Variants in COBL observed in about 807,000 individuals in gnomAD.
The protein encoded by COBL is protein cordon-bleu.
COBL carries 51 observed loss-of-function variants against 98.8 expected under a neutral mutation model. The ratio of observed to expected loss-of-function variants is 0.52; its 90% CI spans 0.41 to 0.65. The LOEUF (loss-of-function observed/expected upper bound fraction) is 0.65. Among genes scored for constraint, COBL ranks in the 30% least tolerant of loss-of-function variants. The probability of loss-of-function intolerance (pLI) is 0.00; values close to 1 mark genes in which losing one functional copy is unlikely to be tolerated. For synonymous variants in COBL, 634 were observed against 651.7 expected (o/e 0.97, Z 0.41); for missense variants, 1,617 against 1,617.5 (o/e 1.00, Z 0.01).
At chr7:51,281,616 G>A (rs1799822763) in intron 1 of COBL, among the ~76,000 whole-genome samples, 1 of 150,022 alleles carries the variant, frequency 6.7e-6, no homozygotes, top group East Asian at 2.0e-4. Context: ...TGGCTAGAAT[G>A]AAGTCGAAAC....
chr7:51,086,629 GGAGA>G (rs3047140), intron 6 of COBL, among the ~76,000 whole-genome samples: 9 of 149,774 alleles, frequency 6.0e-5, no homozygotes, highest in Middle Eastern at 3.4e-3. Context: ...ACAATGAGAG[GGAGA>G]GAGAGAGAGA....
intron 1 of COBL, among the ~76,000 whole-genome samples, chr7:51,282,065 G>A (rs143671770): frequency 5.3e-5 from 8 of 151,838 alleles, no homozygotes; most frequent in African/African-American, 1.9e-4. Context: ...AATCCCAGTA[G>A]ATACATTAAA....
At chr7:51,027,630 T>C in intron 10 of COBL, 82 bp downstream of exon 10, 1 of 1,189,252 alleles carries the variant, frequency 8.4e-7, no homozygotes, top group Non-Finnish European at 1.2e-6. Flanking sequence ...CTCTCTCTCC[T>C]CCGCTTTATT....
intron 5 of COBL, among the ~76,000 whole-genome samples, chr7:51,175,837 T>C (rs1372851190): frequency 6.6e-6 from 1 of 152,162 alleles, no homozygotes; most frequent in Non-Finnish European, 1.5e-5. Context: ...TAGGCTCCAT[T>C]ATAAGACTTG....
In COBL at chr7:51,197,589, A is replaced by G. The variant is rs950142891; in HGVS notation, c.246-4000T>C. 2.0e-5 allele frequency among the ~76,000 whole-genome samples: 3 copies of G among 151,920 alleles called. No homozygotes were observed. In the East Asian group the frequency reaches 5.8e-4, roughly 29 times the overall value. ...ATATCTTTGTTAATTTTTTGTCTTT[A>G]TGGTCTAATATTGTCAGTGGGGTGT... is the stretch of plus-strand genomic sequence containing the variant. On this transcript the variant is annotated intron_variant, in intron 2 of 12. Transcript: ENST00000265136.
chr7:51,140,910 C>T (rs1799679907), intron 5 of COBL, among the ~76,000 whole-genome samples: 1 of 152,180 alleles, frequency 6.6e-6, no homozygotes, highest in South Asian at 2.1e-4. Context: ...CGAGTCAGCA[C>T]AGACTGCCAT....
chr7:51,158,787 G>A (rs1250701997), intron 5 of COBL, among the ~76,000 whole-genome samples: 2 of 152,170 alleles, frequency 1.3e-5, no homozygotes, highest in Non-Finnish European at 2.9e-5. Context: ...GGAGATGAGC[G>A]CGATGCTGGG....
intron 6 of COBL, among the ~76,000 whole-genome samples, chr7:51,086,408 T>A (rs549174963): frequency 1.4e-5 from 2 of 147,350 alleles, no homozygotes; most frequent in Admixed American, 1.4e-4. Flanking sequence ...GACTATCATA[T>A]GACAAGAGCT....
At chr7:51,060,551 G>A (rs932957713) in intron 7 of COBL, among the ~76,000 whole-genome samples, 2 of 152,028 alleles carry the variant, frequency 1.3e-5, no homozygotes, top group African/African-American at 2.4e-5. Context: ...TAGAGGGCTC[G>A]GGTGATGTTC....
intron 1 of COBL, among the ~76,000 whole-genome samples, chr7:51,302,473 CAGG>C (rs148176975): frequency 7.0e-4 from 105 of 150,802 alleles, no homozygotes; most frequent in African/African-American, 2.2e-3. Flanking sequence ...CCCAGCTACT[CAGG>C]AGGCTGAGGC....
At chr7:51,196,317 T>C (rs1400506436) in intron 2 of COBL, among the ~76,000 whole-genome samples, 3 of 152,248 alleles carry the variant, frequency 2.0e-5, no homozygotes, top group African/African-American at 7.2e-5. Flanking sequence ...TTTGCATATG[T>C]TGAACCAACC....
chr7:51,047,609 A>G (rs556734860), intron 7 of COBL, among the ~76,000 whole-genome samples: 2 of 152,174 alleles, frequency 1.3e-5, no homozygotes, highest in Non-Finnish European at 2.9e-5. Context: ...TTTGTGGTTC[A>G]TTAAGAAAGA....
At chr7:51,122,851 T>C (rs1317470810) in intron 6 of COBL, among the ~76,000 whole-genome samples, 2 of 151,972 alleles carry the variant, frequency 1.3e-5, no homozygotes, top group African/African-American at 4.8e-5. Context: ...TGGTGGCGCA[T>C]GGCTATAATC....
intron 5 of COBL, among the ~76,000 whole-genome samples, chr7:51,170,154 G>A (rs1383235910): frequency 2.0e-5 from 3 of 151,774 alleles, no homozygotes; most frequent in East Asian, 3.9e-4. Flanking sequence ...TGATTCATTC[G>A]ATTTTTTTTC....
At chr7:51,240,459 C>T (rs999441703) in intron 1 of COBL, among the ~76,000 whole-genome samples, 3 of 152,248 alleles carry the variant, frequency 2.0e-5, no homozygotes, top group Admixed American at 6.5e-5. Flanking sequence ...TGGCCATGGA[C>T]TTGAGTGCGG....
At chr7:51,316,472 A>T in intron 1 of COBL, 121 bp downstream of exon 1, 1 of 699,070 alleles carries the variant, frequency 1.4e-6, no homozygotes, top group Non-Finnish European at 1.9e-6. Flanking sequence ...CTCCACCACT[A>T]CCACCAGCAC....
intron 8 of COBL, among the ~76,000 whole-genome samples, chr7:51,036,860 C>T (rs1351763435): frequency 2.0e-5 from 3 of 152,198 alleles, no homozygotes; most frequent in African/African-American, 7.2e-5. Flanking sequence ...TTACTTCTCA[C>T]AGCATTCCTG....
intron 7 of COBL, chr7:51,073,105 A>C (rs1447436273): frequency 2.7e-6 from 1 of 367,974 alleles, no homozygotes; most frequent in African/African-American, 2.1e-5. Context: ...AGTGAATTTC[A>C]GACAGGTGAA....
chr7:51,093,894 C>G (rs1362019311), intron 6 of COBL, among the ~76,000 whole-genome samples: 1 of 129,028 alleles, frequency 7.8e-6, no homozygotes, highest in East Asian at 2.2e-4. Context: ...GCCCTGACAC[C>G]AAAAGAAAAA....
Sources: allele counts gnomAD v4.1 joint callset (sites outside exome capture counted in the v4.1 genomes callset), GRCh38; gene constraint gnomAD v4.1.1; transcripts MANE v1.5; gene names NCBI Gene and HGNC (gene_info 2026-07-23, HGNC 2026-07-21).